SAMSN1: variants seen among roughly 807,000 people sequenced by gnomAD.
SAMSN1 encodes SAM domain-containing protein SAMSN-1.
SAMSN1 carries 31 observed loss-of-function variants against 42.0 expected under a neutral mutation model. The ratio of observed to expected loss-of-function variants is 0.74; its 90% CI spans 0.55 to 1.00. The LOEUF (loss-of-function observed/expected upper bound fraction) is 1.00, where lower values mean the gene tolerates loss of function less well. Among genes scored for constraint, SAMSN1 ranks in the 50% least tolerant of loss-of-function variants. The probability of loss-of-function intolerance (pLI) is 0.00; values close to 1 mark genes in which losing one functional copy is unlikely to be tolerated. For synonymous variants in SAMSN1, 178 were observed against 151.9 expected, an observed-to-expected ratio of 1.17 and a Z score of -1.26; for missense variants, 464 against 439.4, an observed-to-expected ratio of 1.06 and a Z score of -0.50.
intron 2 of SAMSN1, among the ~76,000 whole-genome samples, chr21:14,519,871 C>A (rs191518900): frequency 7.2e-4 from 110 of 152,140 alleles, no homozygotes; most frequent in Non-Finnish European, 1.3e-3. Flanking sequence ...TGTTGTTGTA[C>A]CTGTCATTAA....
chr21:14,590,324 C>G (rs1982044470), intron 7 of SAMSN1, among the ~76,000 whole-genome samples: 1 of 151,796 alleles, frequency 6.6e-6, no homozygotes, highest in Non-Finnish European at 1.5e-5. Flanking sequence ...AAGCTGGAGG[C>G]TGGCGTGCAT....
intron 5 of SAMSN1, among the ~76,000 whole-genome samples, chr21:14,603,760 ATAAC>A (rs1568827392): frequency 6.6e-6 from 1 of 152,224 alleles, no homozygotes; most frequent in African/African-American, 2.4e-5. Context: ...AATCAAATAT[ATAAC>A]TAAATGAAGT....
At chr21:14,538,390 C>A (rs780623303) in intron 1 of SAMSN1, among the ~76,000 whole-genome samples, 12 of 152,116 alleles carry the variant, frequency 7.9e-5, no homozygotes, top group Non-Finnish European at 1.2e-4. Flanking sequence ...AATCTTTTAA[C>A]TTGTGGAAAA....
chr21:14,550,427 G>A (rs906567609), upstream of SAMSN1, among the ~76,000 whole-genome samples: 2 of 152,048 alleles, frequency 1.3e-5, no homozygotes, highest in Non-Finnish European at 1.5e-5. Flanking sequence ...GTTTTGGGGA[G>A]ATTAGGGGAA....
At chr21:14,581,344 C>CTTTTTT (rs56728511) in intron 2 of SAMSN1, among the ~76,000 whole-genome samples, 2,420 of 32,598 alleles carry the variant, frequency 0.074, 935 homozygotes, top group Middle Eastern at 0.1. Context: ...AATAATATTT[C>CTTTTTT]TTTTTTTTTT....
intron 4 of SAMSN1, among the ~76,000 whole-genome samples, chr21:14,511,732 T>C (rs1987695849): frequency 6.6e-6 from 1 of 152,242 alleles, no homozygotes; most frequent in Non-Finnish European, 1.5e-5. Context: ...AATCGTTTCA[T>C]CCAAATATTG....
intron 6 of SAMSN1, among the ~76,000 whole-genome samples, chr21:14,499,987 T>C (rs921496311): frequency 6.6e-6 from 1 of 152,192 alleles, no homozygotes; most frequent in African/African-American, 2.4e-5. Flanking sequence ...ATTTTGGTAA[T>C]ATAACAAGAA....
intron 2 of SAMSN1, among the ~76,000 whole-genome samples, chr21:14,641,413 A>T (rs980245703): frequency 1.3e-5 from 2 of 152,170 alleles, no homozygotes; most frequent in Non-Finnish European, 2.9e-5. Flanking sequence ...CAAAATAGGT[A>T]TATGTGAAGG....
chr21:14,517,861 A>G (rs1409016792), intron 2 of SAMSN1, among the ~76,000 whole-genome samples: 1 of 152,156 alleles, frequency 6.6e-6, no homozygotes, highest in African/African-American at 2.4e-5. Flanking sequence ...GAAATAAAAT[A>G]TCCTCACTAC....
intron 2 of SAMSN1, chr21:14,642,900 G>A: frequency 1.7e-6 from 1 of 593,132 alleles, no homozygotes; most frequent in Non-Finnish European, 3.1e-6. Context: ...ATAACTTTCT[G>A]AGAACAGTGA....
intron 2 of SAMSN1, among the ~76,000 whole-genome samples, chr21:14,630,097 A>C (rs904230385): frequency 6.6e-6 from 1 of 152,176 alleles, no homozygotes; most frequent in African/African-American, 2.4e-5. Context: ...TCCGATGGGT[A>C]AAAATGTCAA....
At chr21:14,496,669 A>C (rs1986927355) in intron 7 of SAMSN1, among the ~76,000 whole-genome samples, 1 of 152,206 alleles carries the variant, frequency 6.6e-6, no homozygotes, top group Non-Finnish European at 1.5e-5. Flanking sequence ...TTGACTTGAA[A>C]TATTGATTAG....
At position 14,568,590 on chromosome 21, in the gene SAMSN1, G is replaced by T. The variant is rs547679731; in HGVS notation, c.261+13546C>A. Among the ~76,000 whole-genome samples the T allele has an allele frequency of 2.0e-5, 3 of 152,194 alleles. No homozygotes were observed. The East Asian group carries it at 5.8e-4, about 29-fold the overall frequency. On this transcript the variant is annotated intron_variant, in intron 2 of 8. Coordinates refer to the SAMSN1 transcript ENST00000285670. ...CCATGGATATTTATTCATAGAAGAG[G>T]TCTTAGTGGTCATCTAGTACTATCC...
chr21:14,619,652 C>T (rs1161773208), intron 2 of SAMSN1: 1 of 320,842 alleles, frequency 3.1e-6, no homozygotes, highest in Admixed American at 4.0e-5. Context: ...CCTCACCTAT[C>T]ACAAAGTTCA....
intron 6 of SAMSN1, among the ~76,000 whole-genome samples, chr21:14,597,566 G>A (rs1008041748): frequency 6.6e-6 from 1 of 152,152 alleles, no homozygotes; most frequent in Non-Finnish European, 1.5e-5. Context: ...TGCTTACATA[G>A]AGCAGAGTTT....
intron 7 of SAMSN1, chr21:14,496,192 C>T (rs1193386031): frequency 6.6e-6 from 1 of 152,146 alleles, no homozygotes. Context: ...TGAATCAAAG[C>T]CCTTGAGAAA....
In SAMSN1 at chr21:14,487,999, C is replaced by T. The variant is rs79295170; in HGVS notation, c.920-1885G>A. 5.3e-3 allele frequency among the ~76,000 whole-genome samples: 804 copies of T among 151,626 alleles called. 34 individuals are homozygous for T. The East Asian group carries it at 0.076, about 14-fold the overall frequency. On this transcript the variant is annotated intron_variant, in intron 7 of 7. Coordinates refer to ENST00000400566, the MANE Select transcript of SAMSN1 (RefSeq NM_022136.5). ...AGTCATTCACTCTTCTTTCTAAGCCCTTTTTTTTAATGAAAAGGCAGCACT... is the reference window on the plus strand; with the variant it reads ...AGTCATTCACTCTTCTTTCTAAGCCTTTTTTTTTAATGAAAAGGCAGCACT...
intron 5 of SAMSN1, among the ~76,000 whole-genome samples, chr21:14,501,198 T>C (rs1394338588): frequency 6.6e-6 from 1 of 152,206 alleles, no homozygotes; most frequent in Non-Finnish European, 1.5e-5. Flanking sequence ...TTCAACATTC[T>C]TGACAAAAAG....
chr21:14,626,445 C>A (rs1295783811), intron 2 of SAMSN1, among the ~76,000 whole-genome samples: 1 of 152,152 alleles, frequency 6.6e-6, no homozygotes, highest in Non-Finnish European at 1.5e-5. Flanking sequence ...AAGAAACAAA[C>A]AACCCCATCA....
Sources: gnomAD v4.1 joint callset for allele counts (sites outside exome capture counted in the v4.1 genomes callset) on GRCh38, gnomAD v4.1.1 for gene constraint, MANE v1.5 for transcripts, NCBI Gene and HGNC (gene_info 2026-07-23, HGNC 2026-07-21) for gene names.